BORCS5: variants seen among roughly 807,000 people sequenced by gnomAD.
BORCS5 encodes the protein BLOC-1-related complex subunit 5.
In BORCS5, 17 loss-of-function variants were observed where a neutral mutation model predicts 22.1. The ratio of observed to expected loss-of-function variants is 0.77; its 90% CI spans 0.53 to 1.15. BORCS5 has a LOEUF of 1.15. Ranked by LOEUF, BORCS5 falls within the 50% of genes most tolerant of loss-of-function variation. The probability of loss-of-function intolerance (pLI) is 0.00; values close to 1 mark genes in which losing one functional copy is unlikely to be tolerated. For missense variants in BORCS5, 247 were observed against 253.2 expected (o/e 0.98, Z 0.17); for synonymous variants, 117 against 99.8 (o/e 1.17, Z -1.03).
chr12:12,409,440 T>C (rs1431080903), intron 2 of BORCS5, among the ~76,000 whole-genome samples: 2 of 151,318 alleles, frequency 1.3e-5, no homozygotes, highest in African/African-American at 4.8e-5. Context: ...ACATGGACAC[T>C]TATTGTTCAA....
intron 3 of BORCS5, among the ~76,000 whole-genome samples, chr12:12,443,576 G>C (rs1192987876): frequency 6.6e-6 from 1 of 152,216 alleles, no homozygotes; most frequent in Non-Finnish European, 1.5e-5. Context: ...CTTTGCACCA[G>C]CACTGTCCTG....
intron 3 of BORCS5, among the ~76,000 whole-genome samples, chr12:12,460,010 T>A (rs1345220267): frequency 6.6e-6 from 1 of 152,198 alleles, no homozygotes; most frequent in Non-Finnish European, 1.5e-5. Context: ...TTTTGGCCAT[T>A]CTGTGTACTA....
chr12:12,396,233 C>T (rs377762702), intron 2 of BORCS5, among the ~76,000 whole-genome samples: 4 of 151,206 alleles, frequency 2.6e-5, no homozygotes, highest in Admixed American at 2.0e-4. Flanking sequence ...GTGATCTGCC[C>T]GCCTCGGCCT....
rs549190912 is a variant in BORCS5, at chr12:12,427,212, G to A, written c.203-8416G>A. Among the ~76,000 whole-genome samples the A allele has an allele frequency of 2.3e-3, 252 of 111,938 alleles. 6 individuals are homozygous for A. Among genetic ancestry groups the A allele is most frequent in the African/African-American group, 8.4e-3 (236 of 28,218 alleles). 73.4% of individuals were successfully genotyped at this position (111,938 alleles called of 152,430 possible). ...TTTTTTTTTTTGAGGTGGGAGTCTC[G>A]CACTCTCGTCCAGGCTGGAGTTTGG... On this transcript the variant is annotated intron_variant, in intron 2 of 3. Coordinates refer to ENST00000314565, the MANE Select transcript of BORCS5 (RefSeq NM_058169.6).
intron 3 of BORCS5, among the ~76,000 whole-genome samples, chr12:12,448,570 G>A (rs1229944984): frequency 7.0e-6 from 1 of 142,450 alleles, no homozygotes; most frequent in Non-Finnish European, 1.5e-5. Flanking sequence ...TCGCTCTTTC[G>A]CCCATGCTGG....
Position 12,412,300 on chromosome 12 carries a change from A to G in BORCS5, c.203-23328A>G, listed in dbSNP as rs148555487. Among the ~76,000 whole-genome samples the G allele has an allele frequency of 2.0e-3, 298 of 151,898 alleles. 2 individuals are homozygous for G. Among genetic ancestry groups the G allele is most frequent in the African/African-American group, 6.9e-3 (286 of 41,410 alleles). ...GTCCTCTTTAATTCCTTTCAGCTGT[A>G]TTTTATGGTTTTTTTTATTGTACAA... On this transcript the variant is annotated intron_variant, in intron 2 of 3. Coordinates refer to ENST00000314565, the MANE Select transcript of BORCS5 (RefSeq NM_058169.6).
At chr12:12,410,684 G>T (rs186599555) in intron 2 of BORCS5, among the ~76,000 whole-genome samples, 10,824 of 152,042 alleles carry the variant, frequency 0.071, 555 homozygotes, top group East Asian at 0.22. Flanking sequence ...TTGTTCTTTT[G>T]GCTTAGGATT....
chr12:12,414,135 C>T (rs1235486088), intron 2 of BORCS5, among the ~76,000 whole-genome samples: 5 of 91,862 alleles, frequency 5.4e-5, no homozygotes, highest in South Asian at 7.0e-4. Context: ...CCCTCCTGGA[C>T]GGGGCGGCTG....
intron 3 of BORCS5, chr12:12,452,290 T>C (rs1216949575): frequency 6.4e-6 from 5 of 781,866 alleles, no homozygotes; most frequent in African/African-American, 1.7e-5. Flanking sequence ...ATCCCATTCA[T>C]GTTTGTCTCC....
chr12:12,405,801 T>C (rs1312093332), intron 2 of BORCS5, among the ~76,000 whole-genome samples: 3 of 152,378 alleles, frequency 2.0e-5, no homozygotes, highest in African/African-American at 7.2e-5. Context: ...TATTCCTCTT[T>C]TACTAATACA....
intron 3 of BORCS5, among the ~76,000 whole-genome samples, chr12:12,465,244 T>A (rs1185577178): frequency 6.6e-6 from 1 of 152,144 alleles, no homozygotes; most frequent in African/African-American, 2.4e-5. Flanking sequence ...GATTTCCACA[T>A]CCAGAATTCC....
rs564141581 is a variant in BORCS5, at chr12:12,393,629, C to A, written c.202+32280C>A. Among the ~76,000 whole-genome samples the A allele has an allele frequency of 3.3e-5, 5 of 149,866 alleles. No homozygotes were observed. The South Asian group carries it at 1.1e-3, about 32-fold the overall frequency. On this transcript the variant is annotated intron_variant, in intron 2 of 3. Coordinates refer to ENST00000314565, the MANE Select transcript of BORCS5 (RefSeq NM_058169.6). ...CTGCCTCCTGGGTTCAAGTGATTCT[C>A]GTGCCTCAACCTCCTGAGTAGCTGG...
intron 2 of BORCS5, among the ~76,000 whole-genome samples, chr12:12,412,900 C>CTGTTTTTTTT (rs1941775325): frequency 1.3e-5 from 1 of 74,174 alleles, no homozygotes; most frequent in Non-Finnish European, 2.5e-5. Context: ...TTGTGGTTTT[C>CTGTTTTTTTT]TTTTTTTTTT....
At chr12:12,424,609 T>TC (rs554723811) in intron 2 of BORCS5, among the ~76,000 whole-genome samples, 4 of 152,082 alleles carry the variant, frequency 2.6e-5, no homozygotes, top group African/African-American at 9.6e-5. Flanking sequence ...ACTGGTGATT[T>TC]TTTTTTTTTT....
chr12:12,443,036 C>T (rs950829332), intron 3 of BORCS5, among the ~76,000 whole-genome samples: 2 of 152,230 alleles, frequency 1.3e-5, no homozygotes, highest in African/African-American at 4.8e-5. Context: ...ACTGTCTGAA[C>T]TGGCATTAGC....
intron 3 of BORCS5, among the ~76,000 whole-genome samples, chr12:12,464,789 C>G (rs555235693): frequency 7.2e-5 from 11 of 152,140 alleles, no homozygotes; most frequent in African/African-American, 2.6e-4. Context: ...GAGAAGGGCA[C>G]ATGAGATAGT....
chr12:12,411,475 T>A lies in BORCS5; in HGVS notation c.203-24153T>A, dbSNP rs554767258. On this transcript the variant is annotated intron_variant, in intron 2 of 3. Transcript: ENST00000314565. ...TGTTGGGTTTTAGGAATTCTCTATATATTCTGGATATAATATACATGTATA... is the reference window on the plus strand; with the variant it reads ...TGTTGGGTTTTAGGAATTCTCTATAAATTCTGGATATAATATACATGTATA... Among the ~76,000 whole-genome samples the A allele has an allele frequency of 1.1e-3, 167 of 152,280 alleles. 1 individual carries two copies. The highest frequency in any genetic ancestry group is 3.5e-3 in the African/African-American group (144 of 41,562).
At chr12:12,387,230 C>G (rs923388543) in intron 2 of BORCS5, among the ~76,000 whole-genome samples, 3 of 151,232 alleles carry the variant, frequency 2.0e-5, no homozygotes, top group Admixed American at 2.0e-4. Flanking sequence ...TATGGATATA[C>G]CATAGACTGT....
chr12:12,416,232 G>A (rs923069409), intron 2 of BORCS5, among the ~76,000 whole-genome samples: 1 of 151,930 alleles, frequency 6.6e-6, no homozygotes, highest in Non-Finnish European at 1.5e-5. Flanking sequence ...CTCTACTCTA[G>A]CAAAAGGTTT....
Sources: gnomAD v4.1 joint callset for allele counts (sites outside exome capture counted in the v4.1 genomes callset) on GRCh38, gnomAD v4.1.1 for gene constraint, MANE v1.5 for transcripts, NCBI Gene and HGNC (gene_info 2026-07-23, HGNC 2026-07-21) for gene names.